The following BASP1 variants were observed in gnomAD, a reference collection of about 807,000 sequenced individuals.
BASP1 encodes the protein brain acid soluble protein 1.
Under a neutral mutation model 2.2 loss-of-function variants are expected in BASP1, and 1 was observed. That is an observed-to-expected ratio of 0.46 (90% CI 0.16 to 2.17). BASP1 has a LOEUF of 2.17. Among genes scored for constraint, BASP1 ranks in the 30% most tolerant of loss-of-function variants. The probability of loss-of-function intolerance (pLI) is 0.27; values close to 1 mark genes in which losing one functional copy is unlikely to be tolerated. For synonymous variants in BASP1, 187 were observed against 154.2 expected, an observed-to-expected ratio of 1.21 and a Z score of -1.58; for missense variants, 352 against 327.2, an observed-to-expected ratio of 1.08 and a Z score of -0.58.
intron 1 of BASP1, among the ~76,000 whole-genome samples, chr5:17,235,484 G>C (rs1353390928): frequency 1.3e-5 from 2 of 151,936 alleles, no homozygotes; most frequent in Non-Finnish European, 2.9e-5. Context: ...GGATGGTCTC[G>C]ATCTCATGAC....
In BASP1 at chr5:17,219,170, G is replaced by A. The variant is rs1540600; in HGVS notation, c.-10+1360G>A. Reference sequence around the variant, plus strand: ...CCAGTATACTGCAGGCAAAATGAATGAATCGGGACTGTAATTACCTATTCC... The same window carrying A: ...CCAGTATACTGCAGGCAAAATGAATAAATCGGGACTGTAATTACCTATTCC... On this transcript the variant is annotated intron_variant, in intron 1 of 1. Transcript: ENST00000322611. 1.4e-3 allele frequency among the ~76,000 whole-genome samples: 203 copies of A among 149,810 alleles called. 1 individual carries two copies. The highest frequency in any genetic ancestry group is 4.8e-3 in the African/African-American group (197 of 40,738).
At chr5:17,245,707 A>G (rs1205513296) in intron 1 of BASP1, among the ~76,000 whole-genome samples, 1 of 152,124 alleles carries the variant, frequency 6.6e-6, no homozygotes, top group Non-Finnish European at 1.5e-5. Flanking sequence ...TTTTTAAAAA[A>G]CAAAAACTTA....
intron 1 of BASP1, chr5:17,240,691 A>C (rs985357641): frequency 1.3e-5 from 2 of 152,224 alleles, no homozygotes; most frequent in Non-Finnish European, 2.9e-5. Context: ...TGACAGTGCA[A>C]ATTTGTGAAG....
chr5:17,250,244 G>A (rs1740074801), intron 1 of BASP1, among the ~76,000 whole-genome samples: 1 of 152,192 alleles, frequency 6.6e-6, no homozygotes, highest in African/African-American at 2.4e-5. Context: ...ACCGCGCCCG[G>A]CCCTGATTTT....
intron 1 of BASP1, among the ~76,000 whole-genome samples, chr5:17,250,698 G>A (rs1475794046): frequency 6.6e-6 from 1 of 152,008 alleles, no homozygotes; most frequent in Admixed American, 6.6e-5. Context: ...TCCACCTCCC[G>A]GGTTCATGCC....
At position 17,275,840 on chromosome 5, in the gene BASP1, G is replaced by A. The variant is rs1740642705; in HGVS notation, c.624G>A (p.Glu208=). Residue 208 remains glutamate (E), a synonymous_variant, in exon 2 of 2, where the codon GAG becomes GAA. Coordinates refer to ENST00000322611, the MANE Select transcript of BASP1 (RefSeq NM_006317.5). This position sits in a 1 kb window ranked among gnomAD's most constrained non-coding sequence, Gnocchi z 5.3. The part of the protein sequence containing the change: ...KAQGPAASAE[E]PKPVEAPAAN... ...AGGGCCCCGCAGCCTCTGCAGAAGAGCCCAAGCCGGTGGAGGCCCCGGCAG... is the reference window on the plus strand; with the variant it reads ...AGGGCCCCGCAGCCTCTGCAGAAGAACCCAAGCCGGTGGAGGCCCCGGCAG... 1 of 1,607,424 alleles carries A rather than the reference G, an allele frequency of 6.2e-7. No individual in the cohort carries two copies. The highest frequency in any genetic ancestry group is 8.5e-7 in the Non-Finnish European group (1 of 1,177,442).
intron 1 of BASP1, among the ~76,000 whole-genome samples, chr5:17,270,001 TTTA>T (rs1234279060): frequency 6.6e-6 from 1 of 152,150 alleles, no homozygotes; most frequent in African/African-American, 2.4e-5. Flanking sequence ...ATTTCTTCTC[TTTA>T]TTTTTATTTT....
At chr5:17,264,585 C>T (rs1324825506) in intron 1 of BASP1, among the ~76,000 whole-genome samples, 1 of 152,174 alleles carries the variant, frequency 6.6e-6, no homozygotes, top group Non-Finnish European at 1.5e-5. Flanking sequence ...TTCCCTGCAT[C>T]TTTGTAAGCA....
chr5:17,263,539 A>G (rs1037987213), intron 1 of BASP1, among the ~76,000 whole-genome samples: 2 of 152,238 alleles, frequency 1.3e-5, no homozygotes, highest in Non-Finnish European at 2.9e-5. Flanking sequence ...AGAGATCCCC[A>G]AAGACCCTGT....
At chr5:17,223,313 T>A (rs1264533508) in intron 1 of BASP1, among the ~76,000 whole-genome samples, 1 of 152,232 alleles carries the variant, frequency 6.6e-6, no homozygotes, top group African/African-American at 2.4e-5. Flanking sequence ...ACATGGTTAC[T>A]GTAAGTATTA....
chr5:17,275,920 AAAC>A lies in BASP1; in HGVS notation c.*23_*25del, dbSNP rs745592258. 2,239 of 1,536,194 alleles carry A rather than the reference AAAC, an allele frequency of 1.5e-3. 1 individual carries two copies. Among genetic ancestry groups the A allele is most frequent in the Non-Finnish European group, 1.6e-3 (1,882 of 1,142,920 alleles). ...GAGTGACAAGGACAGCCTATAGGAA[AAAC>A]AATACCACTTAAAACAATCTCCTCT... On this transcript the variant is annotated 3_prime_UTR_variant, in exon 2 of 2. Coordinates refer to ENST00000322611, the MANE Select transcript of BASP1 (RefSeq NM_006317.5). The surrounding 1 kb of genome is among the most constrained non-coding windows in gnomAD (Gnocchi z 5.3).
At chr5:17,254,753 T>C (rs146378117) in intron 1 of BASP1, among the ~76,000 whole-genome samples, 2 of 152,184 alleles carry the variant, frequency 1.3e-5, no homozygotes, top group African/African-American at 4.8e-5. Context: ...GTACCATGCT[T>C]AGGACTGATC....
At chr5:17,237,417 G>A (rs1390922867) in intron 1 of BASP1, among the ~76,000 whole-genome samples, 1 of 152,174 alleles carries the variant, frequency 6.6e-6, no homozygotes, top group Non-Finnish European at 1.5e-5. Flanking sequence ...AACTCTCACT[G>A]AGCTCACCCA....
chr5:17,219,429 C>A (rs1739349737), intron 1 of BASP1, among the ~76,000 whole-genome samples: 1 of 152,154 alleles, frequency 6.6e-6, no homozygotes, highest in African/African-American at 2.4e-5. Flanking sequence ...TTCAATTGAC[C>A]AAAATTAAGA....
chr5:17,272,372 A>C (rs766235845), intron 1 of BASP1, among the ~76,000 whole-genome samples: 26 of 152,078 alleles, frequency 1.7e-4, no homozygotes, highest in Admixed American at 1.0e-3. Flanking sequence ...TGCCTTACTG[A>C]ATTTTGCTGG....
At position 17,275,127 on chromosome 5, in the gene BASP1, T is replaced by C. The variant is rs2126523488; in HGVS notation, c.-9-81T>C. 1.4e-6 allele frequency: 2 copies of C among 1,423,918 alleles called. No homozygotes were observed. Among genetic ancestry groups the C allele is most frequent in the East Asian group, 4.6e-5 (2 of 43,646 alleles). The allele number at this position is 1,423,918 out of a possible 1,614,324, so 88.2% of individuals were successfully genotyped here. A position where few individuals can be genotyped will look rare whatever the true frequency, so the allele number is the denominator to read the frequency against. Reference sequence around the variant, plus strand: ...GCAGTGCAGCAGGCCCAGAACCCCTTGCTTTGCAAAATGCAGCTTTTTGTG... The same window carrying C: ...GCAGTGCAGCAGGCCCAGAACCCCTCGCTTTGCAAAATGCAGCTTTTTGTG... On this transcript the variant is annotated intron_variant, in intron 1 of 1. Coordinates refer to ENST00000322611, the MANE Select transcript of BASP1 (RefSeq NM_006317.5). The surrounding 1 kb of genome is among the most constrained non-coding windows in gnomAD (Gnocchi z 5.3).
chr5:17,272,687 G>A (rs1384671186), intron 1 of BASP1, among the ~76,000 whole-genome samples: 1 of 152,130 alleles, frequency 6.6e-6, no homozygotes, highest in Non-Finnish European at 1.5e-5. Flanking sequence ...TTAGCAAAAT[G>A]CCAGGGGCGT....
chr5:17,275,100 G>A lies in BASP1; in HGVS notation c.-9-108G>A. The A allele has an allele frequency of 1.1e-6, 1 of 931,590 alleles. No individual in the cohort carries two copies. Among genetic ancestry groups the A allele is most frequent in the Non-Finnish European group, 1.7e-6 (1 of 603,778 alleles). 57.7% of individuals were successfully genotyped at this position (931,590 alleles called of 1,614,324 possible). ...GTTTACCATGCCACCCCTTTGGGGTGTGCAGTGCAGCAGGCCCAGAACCCC... is the reference window on the plus strand; with the variant it reads ...GTTTACCATGCCACCCCTTTGGGGTATGCAGTGCAGCAGGCCCAGAACCCC... On this transcript the variant is annotated intron_variant, in intron 1 of 1. Transcript: ENST00000322611. The surrounding 1 kb of genome is among the most constrained non-coding windows in gnomAD (Gnocchi z 5.3).
intron 1 of BASP1, among the ~76,000 whole-genome samples, chr5:17,227,172 A>G (rs183426292): frequency 6.6e-6 from 1 of 150,752 alleles, no homozygotes; most frequent in Non-Finnish European, 1.5e-5. Context: ...TTCGTGATCC[A>G]CCTGTCTTGG....
Sources: gnomAD v4.1 joint callset for allele counts (sites outside exome capture counted in the v4.1 genomes callset) on GRCh38, gnomAD v4.1.1 for gene constraint, Gnocchi (gnomAD v3.1) non-coding constraint, MANE v1.5 for transcripts, NCBI Gene and HGNC (gene_info 2026-07-23, HGNC 2026-07-21) for gene names.